Variants in ITPR1 observed in about 807,000 individuals in gnomAD.
The protein encoded by ITPR1 is inositol 1,4,5-trisphosphate receptor type 1.
In ITPR1, 96 loss-of-function variants were observed where a neutral mutation model predicts 318.4. The ratio of observed to expected loss-of-function variants is 0.30; its 90% CI spans 0.26 to 0.36. The LOEUF is 0.36. Ranked by LOEUF, ITPR1 falls within the 10% of genes least tolerant of loss-of-function variation. The probability of loss-of-function intolerance (pLI) is 1.00; values close to 1 mark genes in which losing one functional copy is unlikely to be tolerated. For synonymous variants in ITPR1, 1,312 were observed against 1,289.9 expected (o/e 1.02, Z -0.37); for missense variants, 2,440 against 3,460.2 (o/e 0.71, Z 7.40).
chr3:4,829,869 C>A (rs1269846829), intron 60 of ITPR1, among the ~76,000 whole-genome samples: 1 of 151,924 alleles, frequency 6.6e-6, no homozygotes, highest in Non-Finnish European at 1.5e-5. Flanking sequence ...TCCCTCCCTC[C>A]CCCTGAGCCT....
intron 4 of ITPR1, 53 bp from the exon 5 acceptor site, chr3:4,627,710 T>A: frequency 9.6e-7 from 1 of 1,043,806 alleles, no homozygotes; most frequent in Non-Finnish European, 1.5e-6. Context: ...TTCCTTAGGC[T>A]GAGTCTCTAT....
At chr3:4,731,398 T>C (rs1372752143) in intron 42 of ITPR1, among the ~76,000 whole-genome samples, 1 of 152,204 alleles carries the variant, frequency 6.6e-6, no homozygotes, top group Non-Finnish European at 1.5e-5. Flanking sequence ...CACCAGTAAC[T>C]TACCCATTTG....
At chr3:4,758,958 G>A (rs1373075249) in intron 44 of ITPR1, among the ~76,000 whole-genome samples, 2 of 152,254 alleles carry the variant, frequency 1.3e-5, no homozygotes, top group East Asian at 1.9e-4. Flanking sequence ...ACTACCAAGA[G>A]CTACTCAGAT....
chr3:4,805,299 G>A (rs565206170), intron 54 of ITPR1, among the ~76,000 whole-genome samples: 37 of 152,314 alleles, frequency 2.4e-4, no homozygotes, highest in African/African-American at 8.7e-4. Context: ...CAGCTCCAGA[G>A]TTCACAGCTG....
At chr3:4,692,404 A>C (rs1247759541) in intron 32 of ITPR1, among the ~76,000 whole-genome samples, 2 of 152,294 alleles carry the variant, frequency 1.3e-5, no homozygotes, top group South Asian at 2.1e-4. Context: ...GTCTATAATA[A>C]ATTATTTAAT....
Position 4,667,358 on chromosome 3 carries a change from C to CT in ITPR1, c.1714-15dup. 1 of 1,579,478 alleles carries CT rather than the reference C, an allele frequency of 6.3e-7. No homozygotes were observed. Among genetic ancestry groups the CT allele is most frequent in the African/African-American group, 1.3e-5 (1 of 74,114 alleles). The stretch of plus-strand genomic sequence containing the variant: ...TCATTTATCCTTCCTACTGACGTCT[C>CT]TTTTCTCTCCTTATAAAGGAGTATA... On this transcript the variant is annotated intron_variant, in intron 17 of 61. Coordinates refer to ENST00000649015, the MANE Select transcript of ITPR1 (RefSeq NM_001378452.1).
intron 55 of ITPR1, among the ~76,000 whole-genome samples, chr3:4,808,815 C>T (rs1480205945): frequency 2.6e-5 from 4 of 152,280 alleles, no homozygotes; most frequent in East Asian, 1.9e-4. Context: ...GCCAGCAGGC[C>T]GGAAGGTAGG....
chr3:4,674,574 A>G (rs2094147959), intron 22 of ITPR1, among the ~76,000 whole-genome samples: 1 of 152,248 alleles, frequency 6.6e-6, no homozygotes, highest in Non-Finnish European at 1.5e-5. Context: ...GACTTGAACC[A>G]CATAAAATGA....
chr3:4,664,897 G>A (rs867428633), intron 16 of ITPR1, among the ~76,000 whole-genome samples: 16 of 152,144 alleles, frequency 1.1e-4, no homozygotes, highest in African/African-American at 3.6e-4. Context: ...GTTCTTAAAC[G>A]CTTTGCTCTA....
Position 4,658,297 on chromosome 3 carries a change from T to G in ITPR1, c.1151+19T>G, listed in dbSNP as rs1382629584. The G allele has an allele frequency of 6.3e-7, 1 of 1,592,552 alleles. No homozygotes were observed. Among genetic ancestry groups the G allele is most frequent in the Non-Finnish European group, 8.6e-7 (1 of 1,164,452 alleles). On this transcript the variant is annotated intron_variant, in intron 13 of 61. Transcript: ENST00000649015. The stretch of plus-strand genomic sequence containing the variant: ...TCCCAAGGTATCATTTTAAAATTGC[T>G]TTTCCCCAAAGAATCAGGCCTGGTG...
rs893537855 is a variant in ITPR1, at chr3:4,725,668, A to G, written c.5172+87A>G. ...CCTGGTTGGGTGTCTGAATTGTTGTAACAAAAAGTCTCTCCCGGTGGTAGA... is the reference window on the plus strand; with the variant it reads ...CCTGGTTGGGTGTCTGAATTGTTGTGACAAAAAGTCTCTCCCGGTGGTAGA... On this transcript the variant is annotated intron_variant, in intron 41 of 61. Coordinates refer to ENST00000649015, the MANE Select transcript of ITPR1 (RefSeq NM_001378452.1). 14 of 1,216,792 alleles carry G rather than the reference A, an allele frequency of 1.2e-5. No homozygotes were observed. In the African/African-American group the frequency reaches 1.6e-4, roughly 14 times the overall value. 75.4% of individuals were successfully genotyped at this position (1,216,792 alleles called of 1,614,324 possible). A position where few individuals can be genotyped will look rare whatever the true frequency, so the allele number is the denominator to read the frequency against.
At chr3:4,610,174 G>A (rs1317539790) in intron 4 of ITPR1, among the ~76,000 whole-genome samples, 2 of 152,114 alleles carry the variant, frequency 1.3e-5, no homozygotes, top group Admixed American at 6.5e-5. Flanking sequence ...TTGTCCAGTG[G>A]ATCCTGCAAA....
intron 61 of ITPR1, among the ~76,000 whole-genome samples, chr3:4,843,935 AC>A (rs1385941202): frequency 2.0e-5 from 3 of 152,192 alleles, no homozygotes; most frequent in African/African-American, 7.2e-5. Flanking sequence ...AGCTGATGTA[AC>A]AAACAGGGAT....
chr3:4,674,955 C>T (rs2094154742), intron 22 of ITPR1, 113 bp from the exon 23 acceptor site: 2 of 589,732 alleles, frequency 3.4e-6, no homozygotes, highest in South Asian at 2.5e-5. Context: ...CATGCCTTCT[C>T]TTACCATAAG....
At chr3:4,601,412 G>A (rs142830524) in intron 4 of ITPR1, among the ~76,000 whole-genome samples, 2,587 of 151,600 alleles carry the variant, frequency 0.017, 70 homozygotes, top group African/African-American at 0.06. Context: ...CCAGCTACTC[G>A]GGAGGCTGAG....
intron 2 of ITPR1, among the ~76,000 whole-genome samples, chr3:4,511,876 A>T (rs2081854894): frequency 6.6e-6 from 1 of 152,224 alleles, no homozygotes; most frequent in Non-Finnish European, 1.5e-5. Flanking sequence ...AGGAGAAATA[A>T]TCTAGATAGC....
chr3:4,670,340 G>T (rs975669350), intron 19 of ITPR1, among the ~76,000 whole-genome samples: 1 of 152,192 alleles, frequency 6.6e-6, no homozygotes, highest in Non-Finnish European at 1.5e-5. Context: ...TTGGGCTTGG[G>T]CTAATGCAGG....
At chr3:4,692,045 A>G (rs1370641420) in intron 32 of ITPR1, among the ~76,000 whole-genome samples, 1 of 151,998 alleles carries the variant, frequency 6.6e-6, no homozygotes. Flanking sequence ...TCCCAGTTAC[A>G]GAGGAAGATC....
intron 6 of ITPR1, among the ~76,000 whole-genome samples, chr3:4,641,796 C>T (rs910861845): frequency 6.6e-6 from 1 of 152,276 alleles, no homozygotes; most frequent in African/African-American, 2.4e-5. Flanking sequence ...GTCCACCCCA[C>T]TGACGGATGG....
Sources: allele counts gnomAD v4.1 joint callset (sites outside exome capture counted in the v4.1 genomes callset), GRCh38; gene constraint gnomAD v4.1.1; transcripts MANE v1.5; gene names NCBI Gene and HGNC (gene_info 2026-07-23, HGNC 2026-07-21).